Variants in KANK1 observed in about 807,000 individuals in gnomAD.
The protein encoded by KANK1 is KN motif and ankyrin repeat domain-containing protein 1.
A neutral mutation model predicts 106.2 loss-of-function variants in KANK1; 109 were observed. The ratio of observed to expected loss-of-function variants is 1.03; its 90% CI spans 0.88 to 1.20. The LOEUF is 1.20. Among genes scored for constraint, KANK1 ranks in the 50% most tolerant of loss-of-function variants. The pLI is 0.00. For missense variants in KANK1, 2,399 were observed against 1,710.7 expected (o/e 1.40, Z -7.10); for synonymous variants, 873 against 652.2 (o/e 1.34, Z -5.16).
In KANK1 at chr9:472,598, C is replaced by G. The variant is rs369092744; in HGVS notation, c.-441-596C>G. Among the ~76,000 whole-genome samples, 11 of 152,320 alleles carry G rather than the reference C, an allele frequency of 7.2e-5. No individual in the cohort carries two copies. In the East Asian group the frequency reaches 1.3e-3, roughly 19 times the overall value. On this transcript the variant is annotated intron_variant, in intron 2 of 15. Transcript: ENST00000382303. ...GCGGCAAAGTGATACTGTACAAGTTCTAGCCTTGGTCTTAAGCCTGCCAGC... is the reference window on the plus strand; with the variant it reads ...GCGGCAAAGTGATACTGTACAAGTTGTAGCCTTGGTCTTAAGCCTGCCAGC...
chr9:546,037 A>G (rs1397616812), intron 1 of KANK1, among the ~76,000 whole-genome samples: 1 of 151,936 alleles, frequency 6.6e-6, no homozygotes, highest in Non-Finnish European at 1.5e-5. Context: ...GTGAGCCACC[A>G]CACCCTGCCA....
intron 1 of KANK1, among the ~76,000 whole-genome samples, chr9:615,223 A>G (rs1053820142): frequency 5.9e-5 from 9 of 152,306 alleles, no homozygotes; most frequent in Admixed American, 1.3e-4. Context: ...GTCTTGAGCT[A>G]CCGCGCCTGG....
intron 3 of KANK1, among the ~76,000 whole-genome samples, chr9:487,454 G>C (rs2058311966): frequency 6.6e-6 from 1 of 152,184 alleles, no homozygotes; most frequent in Non-Finnish European, 1.5e-5. Context: ...AGATGTAAGT[G>C]CATTTTCAAC....
rs1473956730 is a variant in KANK1, at chr9:742,145, A to G, written c.3697-60A>G. 16 of 1,444,780 alleles carry G rather than the reference A, an allele frequency of 1.1e-5. 1 individual carries two copies. The East Asian group carries it at 2.3e-4, about 21-fold the overall frequency. The allele number at this position is 1,444,780 out of a possible 1,614,324, so 89.5% of individuals were successfully genotyped here. On this transcript the variant is annotated intron_variant, in intron 9 of 11. Transcript: ENST00000382297. ...CCCCTTTCCCTAGCACAGCCCCACT[A>G]GAGGCCACCACTGCCAGCTCAGTAC...
chr9:719,595 T>G (rs934449780), intron 3 of KANK1, among the ~76,000 whole-genome samples: 8 of 151,530 alleles, frequency 5.3e-5, no homozygotes, highest in Admixed American at 1.3e-4. Context: ...AAATCCATTT[T>G]AATATATTTT....
intron 1 of KANK1, among the ~76,000 whole-genome samples, chr9:589,558 G>C (rs537016549): frequency 6.6e-6 from 1 of 152,072 alleles, no homozygotes. Flanking sequence ...AAAAACAGGG[G>C]GCCAGGACTT....
intron 1 of KANK1, among the ~76,000 whole-genome samples, chr9:630,385 C>A (rs1458060829): frequency 1.3e-5 from 2 of 151,566 alleles, no homozygotes; most frequent in African/African-American, 4.9e-5. Context: ...CCCATCTCTA[C>A]TAAAAGTTCA....
intron 2 of KANK1, among the ~76,000 whole-genome samples, chr9:690,172 G>T: frequency 6.8e-6 from 1 of 147,606 alleles, no homozygotes; most frequent in African/African-American, 2.5e-5. Context: ...TGGGTGTGTT[G>T]GCAGGCCCCT....
intron 2 of KANK1, among the ~76,000 whole-genome samples, chr9:678,952 GC>G (rs1218392296): frequency 6.6e-6 from 1 of 152,144 alleles, no homozygotes; most frequent in East Asian, 1.9e-4. Flanking sequence ...GGTGCCTTGG[GC>G]AAAATCCTTT....
rs528635147 is a variant in KANK1 at position 567,853 on chromosome 9, G to A, written c.-84+63099G>A. On this transcript the variant is annotated intron_variant, in intron 1 of 11. Coordinates refer to ENST00000382297, the MANE Select transcript of KANK1 (RefSeq NM_015158.5). ...GTACGTTCTTGCAGTATAGAAGTTT[G>A]CAGATGTTTTATAACTTTAAGAGGC... Among the ~76,000 whole-genome samples, 210 of 152,252 alleles carry A rather than the reference G, an allele frequency of 1.4e-3. 1 individual carries two copies. The highest frequency in any genetic ancestry group is 0.01 in the Middle Eastern group (3 of 294).
intron 1 of KANK1, among the ~76,000 whole-genome samples, chr9:530,687 T>C (rs7864102): frequency 0.41 from 62,446 of 152,104 alleles, 14,819 homozygotes; most frequent in African/African-American, 0.66. Context: ...TTTGTAGTGG[T>C]ATTTAAAAAT....
At chr9:713,651 T>C (rs1450358725) in intron 3 of KANK1, among the ~76,000 whole-genome samples, 187 bp downstream of exon 3, 1 of 152,214 alleles carries the variant, frequency 6.6e-6, no homozygotes, top group African/African-American at 2.4e-5. Context: ...ATGCTTATTA[T>C]CTGGTAGCCT....
chr9:709,861 C>T (rs766713742), intron 2 of KANK1, among the ~76,000 whole-genome samples: 1 of 152,130 alleles, frequency 6.6e-6, no homozygotes, highest in Non-Finnish European at 1.5e-5. Context: ...AGGTGATCCA[C>T]CCGCCTTGGC....
intron 1 of KANK1, among the ~76,000 whole-genome samples, chr9:597,696 C>A (rs933787642): frequency 6.6e-6 from 1 of 150,890 alleles, no homozygotes; most frequent in South Asian, 2.1e-4. Context: ...CAGAGTCTTG[C>A]TCTGTTGCCC....
intron 2 of KANK1, among the ~76,000 whole-genome samples, chr9:682,005 C>T (rs1044805987): frequency 6.6e-6 from 1 of 152,038 alleles, no homozygotes; most frequent in Admixed American, 6.5e-5. Context: ...TTAGGCTGGG[C>T]ACGGTGGCTT....
At chr9:697,109 T>C (rs1821508531) in intron 2 of KANK1, among the ~76,000 whole-genome samples, 1 of 150,688 alleles carries the variant, frequency 6.6e-6, no homozygotes, top group African/African-American at 2.4e-5. Flanking sequence ...TGTGTGTCTG[T>C]GTGTAGAAAT....
chr9:705,252 G>A lies in KANK1; in HGVS notation c.38-5552G>A, dbSNP rs910429833. 3.3e-5 allele frequency among the ~76,000 whole-genome samples: 5 copies of A among 152,084 alleles called. No homozygotes were observed. The South Asian group carries it at 6.2e-4, about 19-fold the overall frequency. On this transcript the variant is annotated intron_variant, in intron 2 of 11. Transcript: ENST00000382297. ...TGTAATCCCAGCACTTTGGGAGGCC[G>A]AGGCAGGCAGATTACCTGAGGTCAG...
intron 1 of KANK1, among the ~76,000 whole-genome samples, chr9:597,335 T>C (rs1333284923): frequency 6.6e-6 from 1 of 151,940 alleles, no homozygotes; most frequent in Non-Finnish European, 1.5e-5. Flanking sequence ...ACCAACAATG[T>C]ACAAGGTTCC....
At chr9:650,644 C>A (rs1840680909) in intron 1 of KANK1, among the ~76,000 whole-genome samples, 1 of 152,110 alleles carries the variant, frequency 6.6e-6, no homozygotes, top group Non-Finnish European at 1.5e-5. Flanking sequence ...ACACACCAGA[C>A]CCTCAACTGG....
Sources: allele counts gnomAD v4.1 joint callset (sites outside exome capture counted in the v4.1 genomes callset), GRCh38; gene constraint gnomAD v4.1.1; transcripts MANE v1.5; gene names NCBI Gene and HGNC (gene_info 2026-07-23, HGNC 2026-07-21).